Variants in HECW2 observed in about 807,000 individuals in gnomAD.
HECW2 encodes the protein E3 ubiquitin-protein ligase HECW2.
In HECW2, 61 loss-of-function variants were observed where a neutral mutation model predicts 175.2. That is an observed-to-expected ratio of 0.35 (90% CI 0.28 to 0.43). HECW2 has a LOEUF of 0.43. Among genes scored for constraint, HECW2 ranks in the 20% least tolerant of loss-of-function variants. HECW2 has a pLI of 1.00. For synonymous variants in HECW2, 671 were observed against 731.0 expected, an observed-to-expected ratio of 0.92 and a Z score of 1.32; for missense variants, 1,524 against 2,000.5, an observed-to-expected ratio of 0.76 and a Z score of 4.54.
chr2:196,520,119 T>A (rs1012180407), intron 1 of HECW2, among the ~76,000 whole-genome samples: 1 of 152,248 alleles, frequency 6.6e-6, no homozygotes, highest in Non-Finnish European at 1.5e-5. Context: ...GTCTGAAGTT[T>A]CGTTGAAAGT....
chr2:196,437,878 G>A (rs1410711905), intron 1 of HECW2, among the ~76,000 whole-genome samples: 2 of 152,142 alleles, frequency 1.3e-5, no homozygotes, highest in African/African-American at 2.4e-5. Flanking sequence ...TGAGGAGTGG[G>A]TAAAATTGGT....
chr2:196,378,768 T>C (rs1285728129), intron 2 of HECW2, among the ~76,000 whole-genome samples: 2 of 152,222 alleles, frequency 1.3e-5, no homozygotes, highest in African/African-American at 2.4e-5. Context: ...ACAAAATTCA[T>C]AATTTTTCAA....
chr2:196,505,844 G>T (rs549335619), intron 1 of HECW2, among the ~76,000 whole-genome samples: 2 of 152,098 alleles, frequency 1.3e-5, no homozygotes, highest in Non-Finnish European at 2.9e-5. Context: ...CCAAGCACTG[G>T]AGCTATCAAT....
Position 196,506,223 on chromosome 2 carries a change from C to T in HECW2, c.-35-72765G>A, listed in dbSNP as rs138052467. Among the ~76,000 whole-genome samples the T allele has an allele frequency of 1.9e-3, 289 of 152,204 alleles. 1 individual carries two copies. The highest frequency in any genetic ancestry group is 6.5e-3 in the African/African-American group (271 of 41,536). On this transcript the variant is annotated intron_variant, in intron 1 of 28. Transcript: ENST00000644978. Reference sequence around the variant, plus strand: ...TATGGGAGAAACTGGGTTCAGATGGCTTTAAAGGTGGATTTCACCAAGGCT... The same window carrying T: ...TATGGGAGAAACTGGGTTCAGATGGTTTTAAAGGTGGATTTCACCAAGGCT...
chr2:196,441,132 A>G (rs1232476096), intron 1 of HECW2, among the ~76,000 whole-genome samples: 2 of 152,222 alleles, frequency 1.3e-5, no homozygotes, highest in Non-Finnish European at 2.9e-5. Flanking sequence ...TGACAAATAC[A>G]TTAAGCAAGT....
chr2:196,375,976 T>C (rs1185125363), intron 2 of HECW2, among the ~76,000 whole-genome samples: 1 of 152,242 alleles, frequency 6.6e-6, no homozygotes, highest in East Asian at 1.9e-4. Flanking sequence ...TCCATTTGGA[T>C]ACACTGTCAG....
chr2:196,464,874 C>T (rs182918289), intron 1 of HECW2, among the ~76,000 whole-genome samples: 2 of 152,096 alleles, frequency 1.3e-5, no homozygotes, highest in Non-Finnish European at 2.9e-5. Context: ...AACCCTGTCT[C>T]TACTAAAAAT....
intron 2 of HECW2, among the ~76,000 whole-genome samples, chr2:196,400,310 G>A (rs1322904011): frequency 6.6e-6 from 1 of 152,178 alleles, no homozygotes; most frequent in South Asian, 2.1e-4. Flanking sequence ...CATCAGTGAG[G>A]AAATGGGACA....
At chr2:196,510,236 C>T (rs1021869950) in intron 1 of HECW2, among the ~76,000 whole-genome samples, 3 of 152,178 alleles carry the variant, frequency 2.0e-5, no homozygotes, top group African/African-American at 7.2e-5. Flanking sequence ...GAAGCCACAA[C>T]CCGCCACCAT....
chr2:196,341,528 C>T (rs1360896990), intron 3 of HECW2, among the ~76,000 whole-genome samples: 2 of 152,206 alleles, frequency 1.3e-5, no homozygotes, highest in Non-Finnish European at 2.9e-5. Flanking sequence ...GTCGGAAAAA[C>T]AAATCATCCA....
chr2:196,275,549 C>T (rs537395633), intron 15 of HECW2, among the ~76,000 whole-genome samples: 90 of 152,148 alleles, frequency 5.9e-4, no homozygotes, highest in South Asian at 1.7e-3. Flanking sequence ...GTCAACAGAT[C>T]GAGACCATCC....
chr2:196,491,697 A>C (rs907832126), intron 1 of HECW2, among the ~76,000 whole-genome samples: 4 of 151,980 alleles, frequency 2.6e-5, no homozygotes, highest in African/African-American at 9.7e-5. Context: ...TAAGGAAAGA[A>C]ATCCAATCAC....
At chr2:196,226,168 T>A (rs1226665184) in intron 22 of HECW2, among the ~76,000 whole-genome samples, 2 of 152,076 alleles carry the variant, frequency 1.3e-5, no homozygotes, top group Non-Finnish European at 2.9e-5. Flanking sequence ...TGGTGCTATC[T>A]TCATGATAGT....
At chr2:196,516,615 A>G (rs1007197490) in intron 1 of HECW2, among the ~76,000 whole-genome samples, 9 of 152,206 alleles carry the variant, frequency 5.9e-5, no homozygotes, top group African/African-American at 2.2e-4. Flanking sequence ...TCGGGAATTA[A>G]AATTTAATAA....
chr2:196,520,759 G>A (rs952456134), intron 1 of HECW2, among the ~76,000 whole-genome samples: 1 of 152,118 alleles, frequency 6.6e-6, no homozygotes, highest in Non-Finnish European at 1.5e-5. Context: ...ATATATCAAC[G>A]TTCCACAGTT....
chr2:196,244,128 G>C (rs577701031), intron 19 of HECW2, among the ~76,000 whole-genome samples: 1 of 152,312 alleles, frequency 6.6e-6, no homozygotes, highest in East Asian at 1.9e-4. Flanking sequence ...CTAAATAGTT[G>C]TTATTCATTG....
intron 1 of HECW2, among the ~76,000 whole-genome samples, chr2:196,556,094 C>T (rs567736385): frequency 6.6e-6 from 1 of 152,166 alleles, no homozygotes; most frequent in South Asian, 2.1e-4. Flanking sequence ...ATACTTAGCA[C>T]AGTTTTAATT....
intron 1 of HECW2, among the ~76,000 whole-genome samples, chr2:196,448,363 C>A (rs564835553): frequency 6.6e-6 from 1 of 152,308 alleles, no homozygotes; most frequent in South Asian, 2.1e-4. Flanking sequence ...TCCAGACAGG[C>A]ACCAAGCTAG....
At chr2:196,509,331 G>T (rs1396239792) in intron 1 of HECW2, among the ~76,000 whole-genome samples, 2 of 152,162 alleles carry the variant, frequency 1.3e-5, no homozygotes, top group Admixed American at 1.3e-4. Flanking sequence ...CTATCTGGAA[G>T]CTCACCAAAC....
Sources: allele counts gnomAD v4.1 joint callset (sites outside exome capture counted in the v4.1 genomes callset), GRCh38; gene constraint gnomAD v4.1.1; transcripts MANE v1.5; gene names NCBI Gene and HGNC (gene_info 2026-07-23, HGNC 2026-07-21).